Variants in TOP3A observed in about 807,000 individuals in gnomAD.
TOP3A encodes the protein DNA topoisomerase III alpha.
In TOP3A, 64 loss-of-function variants were observed where a neutral mutation model predicts 111.3. The observed-to-expected ratio is 0.57, with a 90% CI of 0.47 to 0.71. The LOEUF is 0.71. TOP3A is among the 30% of genes least tolerant of loss of function. TOP3A has a pLI of 0.00. For synonymous variants in TOP3A, 484 were observed against 485.1 expected (o/e 1.00, Z 0.03); for missense variants, 1,104 against 1,285.0 (o/e 0.86, Z 2.15).
intron 2 of TOP3A, 21 bp downstream of exon 2, chr17:18,308,861 T>C (rs1597988768): frequency 6.8e-7 from 1 of 1,474,590 alleles, no homozygotes; most frequent in Non-Finnish European, 9.3e-7. Context: ...TGAAATATTT[T>C]AGAAATATTT....
chr17:18,289,255 T>C (rs915132293), intron 13 of TOP3A, among the ~76,000 whole-genome samples: 8 of 152,212 alleles, frequency 5.3e-5, no homozygotes, highest in Admixed American at 2.6e-4. Context: ...CCTTAGGTGA[T>C]CCACCCGCCT....
chr17:18,288,578 G>A (rs1036183999), intron 13 of TOP3A, among the ~76,000 whole-genome samples: 1 of 152,204 alleles, frequency 6.6e-6, no homozygotes, highest in Non-Finnish European at 1.5e-5. Context: ...GCAAGCCAAG[G>A]CCCTGCAAAG....
chr17:18,291,169 G>A (rs1980455666), intron 11 of TOP3A, 142 bp from the exon 12 acceptor site: 1 of 811,212 alleles, frequency 1.2e-6, no homozygotes, highest in East Asian at 2.7e-5. Flanking sequence ...GGAGTGCCAG[G>A]CAAACAAGTC....
At chr17:18,298,424 G>GT in intron 9 of TOP3A, among the ~76,000 whole-genome samples, 1 of 148,528 alleles carries the variant, frequency 6.7e-6, no homozygotes, top group Non-Finnish European at 1.5e-5. Flanking sequence ...CGTCCGGGAG[G>GT]GAGGTGGGGG....
intron 10 of TOP3A, 23 bp from the exon 11 acceptor site, chr17:18,292,875 G>T (rs1980568817): frequency 6.3e-7 from 1 of 1,592,046 alleles, no homozygotes; most frequent in South Asian, 1.1e-5. Flanking sequence ...CAAACAAACA[G>T]AAAAAGAAAT....
chr17:18,275,661 CTT>C (rs1555567585), intron 18 of TOP3A, among the ~76,000 whole-genome samples: 2 of 141,048 alleles, frequency 1.4e-5, no homozygotes, highest in Admixed American at 7.3e-5. Flanking sequence ...CGTGCCCGGC[CTT>C]TTTTTTTTGA....
chr17:18,280,779 C>T (rs1979711502), intron 16 of TOP3A, 121 bp from the exon 17 acceptor site: 2 of 1,137,294 alleles, frequency 1.8e-6, no homozygotes, highest in South Asian at 3.0e-5. Flanking sequence ...CTGGATGACA[C>T]TTAACTGGAT....
chr17:18,292,845 T>C lies in TOP3A; in HGVS notation c.1081A>G (p.Ser361Gly). ...ATGTTTGTTTCTGTTCGGGGATAGC[T>C]GATGTACCTAAAACCAAGGCAAACA... ...AEKLYTQGYISYPRTETNIFP... is the reference protein window; with the variant it reads ...AEKLYTQGYIGYPRTETNIFP... Residue 361 changes from serine to glycine, a missense_variant, in exon 11 of 19, where the codon AGC (serine) becomes GGC (glycine). Ser to Gly is a moderately conservative substitution (Grantham distance 56). Transcript: ENST00000321105. 1 of 1,612,180 alleles carries C rather than the reference T, an allele frequency of 6.2e-7. No individual in the cohort carries two copies. The highest frequency in any genetic ancestry group is 8.5e-7 in the Non-Finnish European group (1 of 1,178,982).
chr17:18,292,561 C>A, intron 11 of TOP3A, 84 bp downstream of exon 11: 1 of 1,174,266 alleles, frequency 8.5e-7, no homozygotes. Context: ...ACAATCACAG[C>A]CCACAGAGTA....
rs1368649477 is a variant in TOP3A, at chr17:18,277,696, C to G, written c.2806G>C (p.Val936Leu). 5.3e-5 allele frequency: 85 copies of G among 1,610,528 alleles called. No homozygotes were observed. The highest frequency in any genetic ancestry group is 7.0e-5 in the Non-Finnish European group (82 of 1,177,056). Reference sequence around the variant, plus strand: ...TCACCTGGAGCGGTGTTCTCATCGACCCACTGGAAAAAGCCACACTGCTGC... The same window carrying G: ...TCACCTGGAGCGGTGTTCTCATCGAGCCACTGGAAAAAGCCACACTGCTGC... ...REQQCGFFQW[V>L]DENTAPGTSG... The change falls in exon 18 of 19, where the codon GTC becomes CTC. Residue 936 changes from valine (V) to leucine (L), a missense_variant. Transcript: ENST00000321105.
chr17:18,288,149 A>ATATATATATATATATATATATAT (rs1301508954), intron 13 of TOP3A, among the ~76,000 whole-genome samples: 13 of 121,878 alleles, frequency 1.1e-4, no homozygotes, highest in African/African-American at 3.7e-4. Flanking sequence ...ATATATATAT[A>ATATATATATATATATATATATAT]AATTTTTTTT....
intron 8 of TOP3A, among the ~76,000 whole-genome samples, 165 bp downstream of exon 8, chr17:18,301,720 T>A (rs1238395105): frequency 6.6e-6 from 1 of 152,260 alleles, no homozygotes; most frequent in East Asian, 1.9e-4. Flanking sequence ...TTCCTTTTAG[T>A]GCTGTTCTCA....
intron 13 of TOP3A, among the ~76,000 whole-genome samples, chr17:18,290,087 G>A (rs1980372009): frequency 6.6e-6 from 1 of 152,230 alleles, no homozygotes; most frequent in Non-Finnish European, 1.5e-5. Context: ...TGTGGGTTCA[G>A]ACCTGCAGAG....
At chr17:18,275,551 G>C (rs1309721723) in intron 18 of TOP3A, among the ~76,000 whole-genome samples, 1 of 151,554 alleles carries the variant, frequency 6.6e-6, no homozygotes, top group Non-Finnish European at 1.5e-5. Context: ...TTTTAGTAGA[G>C]ACGGGTTTCA....
Position 18,293,292 on chromosome 17 carries a change from T to C in TOP3A, c.1074-440A>G, listed in dbSNP as rs548279435. Among the ~76,000 whole-genome samples the C allele has an allele frequency of 1.1e-4, 17 of 152,352 alleles. No individual in the cohort carries two copies. The South Asian group carries it at 3.1e-3, about 28-fold the overall frequency. ...TGTAATGTGGACTCTATTTGTTTTT[T>C]CTTTTTCATTTTTGAGATAGTCTTG... On this transcript the variant is annotated intron_variant, in intron 10 of 18. Coordinates refer to ENST00000321105, the MANE Select transcript of TOP3A (RefSeq NM_004618.5).
intron 2 of TOP3A, 64 bp downstream of exon 2, chr17:18,308,818 T>C: frequency 9.1e-7 from 1 of 1,096,478 alleles, no homozygotes; most frequent in Non-Finnish European, 1.3e-6. Flanking sequence ...ATTCTACATA[T>C]GACGAGGCTG....
At chr17:18,280,733 C>T (rs1047312282) in intron 16 of TOP3A, 75 bp from the exon 17 acceptor site, 1 of 1,555,658 alleles carries the variant, frequency 6.4e-7, no homozygotes, top group Non-Finnish European at 8.8e-7. Context: ...GCTAAGGCAG[C>T]CTTTCCTCAG....
chr17:18,284,142 G>C (rs919406810), intron 15 of TOP3A, among the ~76,000 whole-genome samples: 3 of 151,728 alleles, frequency 2.0e-5, no homozygotes, highest in Non-Finnish European at 4.4e-5. Context: ...TGGGACTACA[G>C]GTACGCACCA....
intron 5 of TOP3A, among the ~76,000 whole-genome samples, chr17:18,303,721 T>A (rs963508232): frequency 6.6e-6 from 1 of 152,124 alleles, no homozygotes; most frequent in Non-Finnish European, 1.5e-5. Flanking sequence ...CAACACCCTA[T>A]AGTCACACTG....
Sources: gnomAD v4.1 joint callset for allele counts (sites outside exome capture counted in the v4.1 genomes callset) on GRCh38, gnomAD v4.1.1 for gene constraint, MANE v1.5 for transcripts, NCBI Gene and HGNC (gene_info 2026-07-23, HGNC 2026-07-21) for gene names.